Variants in JAM3 observed in about 807,000 individuals in gnomAD.
The protein encoded by JAM3 is junctional adhesion molecule 3, also known as junctional adhesion molecule C.
Under a neutral mutation model 39.4 loss-of-function variants are expected in JAM3, and 31 were observed. The ratio of observed to expected loss-of-function variants is 0.79; its 90% CI spans 0.59 to 1.06. JAM3 has a LOEUF of 1.06. JAM3 is among the 50% of genes least tolerant of loss of function. The pLI, the probability that JAM3 is intolerant of heterozygous loss-of-function variation, is 0.00. For missense variants in JAM3, 455 were observed against 391.4 expected (o/e 1.16, Z -1.37); for synonymous variants, 182 against 148.7 (o/e 1.22, Z -1.63).
intron 1 of JAM3, among the ~76,000 whole-genome samples, chr11:134,137,404 C>T (rs991176128): frequency 1.3e-5 from 2 of 152,206 alleles, no homozygotes; most frequent in Non-Finnish European, 1.5e-5. Flanking sequence ...TTCTATTTCT[C>T]TAGACTATAA....
intron 1 of JAM3, 182 bp from the exon 2 acceptor site, chr11:134,139,669 G>T: frequency 3.2e-6 from 2 of 631,770 alleles, no homozygotes; most frequent in Non-Finnish European, 2.9e-6. Flanking sequence ...TCCAGTGAAG[G>T]TCAGATTTGA....
At chr11:134,075,608 G>A (rs955777277) in intron 1 of JAM3, among the ~76,000 whole-genome samples, 1 of 151,988 alleles carries the variant, frequency 6.6e-6, no homozygotes, top group African/African-American at 2.4e-5. Context: ...ACATTTTTTT[G>A]TAGAAACAAG....
In JAM3 at chr11:134,079,146, A is replaced by G. The variant is rs933695866; in HGVS notation, c.76+9987A>G. On this transcript the variant is annotated intron_variant, in intron 1 of 8. Transcript: ENST00000299106. ...GGTTGGGGTTGTATGCCTCTCCCTAAGAATCACTGCTTTAAGGATGGCGCT... is the reference window on the plus strand; with the variant it reads ...GGTTGGGGTTGTATGCCTCTCCCTAGGAATCACTGCTTTAAGGATGGCGCT... Among the ~76,000 whole-genome samples, 3 of 152,186 alleles carry G rather than the reference A, an allele frequency of 2.0e-5. No individual in the cohort carries two copies. In the East Asian group the frequency reaches 5.8e-4, roughly 29 times the overall value.
Position 134,151,224 on chromosome 11 carries a change from CTTTT to C in JAM3, c.*2047_*2050del, listed in dbSNP as rs372236965. ...AATTGCATACATGAGACTGTGTTGA[CTTTT>C]TTTAGTTATGTGAAACACTTTGCCG... is the stretch of plus-strand genomic sequence containing the variant. On this transcript the variant is annotated 3_prime_UTR_variant, in exon 9 of 9. Coordinates refer to ENST00000299106, the MANE Select transcript of JAM3 (RefSeq NM_032801.5). 3 of 152,148 alleles carry C rather than the reference CTTTT, an allele frequency of 2.0e-5. No homozygotes were observed. The highest frequency in any genetic ancestry group is 7.2e-5 in the African/African-American group (3 of 41,404). The allele number at this position is 152,148 out of a possible 1,614,324, so 9.4% of individuals were successfully genotyped here. A position where few individuals can be genotyped will look rare whatever the true frequency, so the allele number is the denominator to read the frequency against.
intron 1 of JAM3, among the ~76,000 whole-genome samples, chr11:134,134,517 G>A (rs1422593716): frequency 6.6e-6 from 1 of 151,024 alleles, no homozygotes; most frequent in Non-Finnish European, 1.5e-5. Flanking sequence ...AAAGGAGGAA[G>A]AATAAGAATT....
chr11:134,076,151 C>CTTTTTTTTTTTTTTTTTTTTTTT (rs551303530), intron 1 of JAM3, among the ~76,000 whole-genome samples: 1 of 120,392 alleles, frequency 8.3e-6, no homozygotes, highest in Non-Finnish European at 1.7e-5. Flanking sequence ...TCTTTTCTTT[C>CTTTTTTTTTTTTTTTTTTTTTTT]TTTTTTTTTT....
At chr11:134,095,270 T>C (rs1941957788) in intron 1 of JAM3, among the ~76,000 whole-genome samples, 1 of 152,232 alleles carries the variant, frequency 6.6e-6, no homozygotes, top group Non-Finnish European at 1.5e-5. Context: ...AAGATCTGTT[T>C]GCATGTACTA....
intron 1 of JAM3, among the ~76,000 whole-genome samples, chr11:134,131,185 C>T (rs1942761950): frequency 7.4e-6 from 1 of 135,630 alleles, no homozygotes; most frequent in Non-Finnish European, 1.5e-5. Context: ...AGTACCCCTG[C>T]ACAGAGCCAG....
intron 1 of JAM3, among the ~76,000 whole-genome samples, chr11:134,119,177 C>T (rs1272273220): frequency 2.0e-5 from 3 of 152,100 alleles, no homozygotes; most frequent in African/African-American, 7.2e-5. Flanking sequence ...CTGCCCTCCT[C>T]AGTCTCCCAA....
chr11:134,071,928 T>C (rs1356712186), intron 1 of JAM3, among the ~76,000 whole-genome samples: 1 of 152,222 alleles, frequency 6.6e-6, no homozygotes, highest in African/African-American at 2.4e-5. Flanking sequence ...TGTTCTTCAG[T>C]GCTTCAGGCT....
At chr11:134,126,805 C>T (rs1173491350) in intron 1 of JAM3, among the ~76,000 whole-genome samples, 1 of 152,176 alleles carries the variant, frequency 6.6e-6, no homozygotes, top group East Asian at 1.9e-4. Flanking sequence ...AACTCTGAAT[C>T]CTAATTTTGT....
intron 1 of JAM3, among the ~76,000 whole-genome samples, chr11:134,099,457 G>A (rs1472758911): frequency 2.0e-5 from 3 of 152,050 alleles, no homozygotes; most frequent in South Asian, 2.1e-4. Context: ...TCACTGTCTC[G>A]CCCTCTCTCT....
chr11:134,095,393 A>T (rs1005607274), intron 1 of JAM3, among the ~76,000 whole-genome samples: 1 of 152,110 alleles, frequency 6.6e-6, no homozygotes, highest in Non-Finnish European at 1.5e-5. Flanking sequence ...GCACTTTGGG[A>T]GGCTGAGGCA....
intron 1 of JAM3, among the ~76,000 whole-genome samples, chr11:134,122,664 C>T (rs1942558781): frequency 6.6e-6 from 1 of 152,152 alleles, no homozygotes; most frequent in Non-Finnish European, 1.5e-5. Flanking sequence ...CTAGTAATAA[C>T]AAGGCAATCA....
chr11:134,128,098 A>T (rs945847276), intron 1 of JAM3, among the ~76,000 whole-genome samples: 2 of 152,154 alleles, frequency 1.3e-5, no homozygotes, highest in South Asian at 2.1e-4. Context: ...AAGAAAAAAG[A>T]AAGGTTTTCC....
Position 134,140,768 on chromosome 11 carries a change from A to G in JAM3, c.254A>G (p.Gln85Arg). 6.2e-7 allele frequency: 1 copy of G among 1,612,782 alleles called. No homozygotes were observed. Among genetic ancestry groups the G allele is most frequent in the Non-Finnish European group, 8.5e-7 (1 of 1,179,220 alleles). Residue 85 changes from glutamine (Q) to arginine (R), a missense_variant and splice_region_variant, in exon 3 of 9, where the codon CAG becomes CGG. Transcript: ENST00000299106. The part of the protein sequence containing the change: ...TTYVFFDNKI[Q>R]GDLAGRAEIL... ...TATGTGTTTTTTGACAACAAAATTCAGGGTATGATCCTGTAGTCCTCTTGC... is the reference window on the plus strand; with the variant it reads ...TATGTGTTTTTTGACAACAAAATTCGGGGTATGATCCTGTAGTCCTCTTGC...
At chr11:134,082,320 CT>C (rs746785041) in intron 1 of JAM3, among the ~76,000 whole-genome samples, 3 of 152,144 alleles carry the variant, frequency 2.0e-5, no homozygotes, top group Admixed American at 6.6e-5. Context: ...ATGAGCTAAA[CT>C]TTTGGGGGAC....
At chr11:134,087,422 CTT>C (rs1941764590) in intron 1 of JAM3, among the ~76,000 whole-genome samples, 1 of 152,184 alleles carries the variant, frequency 6.6e-6, no homozygotes. Context: ...CCACCTCTCT[CTT>C]GTGGATTATA....
chr11:134,100,152 A>T (rs1184228322), intron 1 of JAM3, among the ~76,000 whole-genome samples: 1 of 151,926 alleles, frequency 6.6e-6, no homozygotes, highest in Non-Finnish European at 1.5e-5. Flanking sequence ...TTTGAGGTGA[A>T]TCCCCCTTTC....
Sources: allele counts gnomAD v4.1 joint callset (sites outside exome capture counted in the v4.1 genomes callset), GRCh38; gene constraint gnomAD v4.1.1; transcripts MANE v1.5; gene names NCBI Gene and HGNC (gene_info 2026-07-23, HGNC 2026-07-21).